Variants in BRCA1 observed in about 807,000 individuals in gnomAD.
The protein encoded by BRCA1 is BRCA1 DNA repair associated.
BRCA1 carries 140 observed loss-of-function variants against 173.7 expected under a neutral mutation model. That is an observed-to-expected ratio of 0.81 (90% CI 0.70 to 0.93). The LOEUF (loss-of-function observed/expected upper bound fraction) is 0.93. Ranked by LOEUF, BRCA1 falls within the 40% of genes least tolerant of loss-of-function variation. The probability of loss-of-function intolerance (pLI) is 0.00; values close to 1 mark genes in which losing one functional copy is unlikely to be tolerated. For missense variants in BRCA1, 1,983 were observed against 2,172.5 expected, an observed-to-expected ratio of 0.91 and a Z score of 1.73; for synonymous variants, 662 against 756.0, an observed-to-expected ratio of 0.88 and a Z score of 2.04.
rs1376262238 is a variant in BRCA1, at chr17:43,094,854, C to T, written c.677G>A (p.Cys226Tyr). Reference sequence around the variant, plus strand: ...TGTTACATCCGTCTCAGAAAATTCACAAGCAGCTGAAAATATACAAAAATA... The same window carrying T: ...TGTTACATCCGTCTCAGAAAATTCATAAGCAGCTGAAAATATACAAAAATA... The part of the protein sequence containing the change: ...ISLDSAKKAA[C>Y]EFSETDVTNT... Residue 226 changes from cysteine to tyrosine, a missense_variant, in exon 10 of 23, where the codon TGT becomes TAT. By Grantham distance (194) the Cys-to-Tyr change is radical. Coordinates refer to ENST00000357654, the MANE Select transcript of BRCA1 (RefSeq NM_007294.4). The T allele has an allele frequency of 2.5e-6, 4 of 1,610,434 alleles. No homozygotes were observed. Among genetic ancestry groups the T allele is most frequent in the Non-Finnish European group, 3.4e-6 (4 of 1,178,076 alleles).
intron 6 of BRCA1, among the ~76,000 whole-genome samples, chr17:43,100,679 A>T (rs10445319): frequency 0.48 from 3,968 of 8,348 alleles, 407 homozygotes; most frequent in Middle Eastern, 0.58. Flanking sequence ...TATATATATA[A>T]TATATATATA....
chr17:43,053,981 A>G (rs1449532023), intron 19 of BRCA1, among the ~76,000 whole-genome samples: 1 of 152,188 alleles, frequency 6.6e-6, no homozygotes, highest in Non-Finnish European at 1.5e-5. Flanking sequence ...AAAAAAAAAA[A>G]AAAGAAATTT....
intron 12 of BRCA1, among the ~76,000 whole-genome samples, chr17:43,081,972 T>C (rs1047960243): frequency 2.0e-5 from 3 of 152,224 alleles, no homozygotes; most frequent in Admixed American, 1.3e-4. Flanking sequence ...GTTCCTGAAG[T>C]ATAGGATGTC....
At position 43,145,157 on chromosome 17, in the gene BRCA1, A is replaced by C. The variant is rs925418939; in HGVS notation, c.-19-21042T>G. 7.4e-4 allele frequency: 524 copies of C among 707,814 alleles called. 1 individual carries two copies. Among genetic ancestry groups the C allele is most frequent in the Non-Finnish European group, 1.1e-3 (398 of 372,400 alleles). The allele number at this position is 707,814 out of a possible 1,614,324, so 43.8% of individuals were successfully genotyped here. On this transcript the variant is annotated intron_variant, in intron 1 of 7. Coordinates refer to the BRCA1 transcript ENST00000634433. ...GGAAAACAGGCCGAAGTGGCTAACC[A>C]AAAAACTAAAGAAGATTTACCTGCA...
At chr17:43,169,936 C>T (rs2056313419) in intron 1 of BRCA1, 1 of 459,272 alleles carries the variant, frequency 2.2e-6, no homozygotes, top group Non-Finnish European at 4.4e-6. Context: ...AGGACCTTTG[C>T]AAACAAGCCA....
At chr17:43,067,809 C>A (rs2153726452) in intron 15 of BRCA1, 114 bp from the exon 16 acceptor site, 1 of 712,712 alleles carries the variant, frequency 1.4e-6, no homozygotes, top group East Asian at 3.1e-5. Flanking sequence ...GCACGTTCTA[C>A]ACGTGTCCTG....
chr17:43,070,363 G>A (rs1040375376), intron 15 of BRCA1, among the ~76,000 whole-genome samples: 1 of 152,048 alleles, frequency 6.6e-6, no homozygotes, highest in Admixed American at 6.5e-5. Flanking sequence ...TATTTTAATG[G>A]GTATTTTTCC....
intron 1 of BRCA1, among the ~76,000 whole-genome samples, chr17:43,141,137 C>T (rs898926228): frequency 1.3e-5 from 2 of 152,166 alleles, no homozygotes; most frequent in African/African-American, 4.8e-5. Context: ...ACCCCTCCCC[C>T]TCCCAGGCTA....
intron 2 of BRCA1, 84 bp downstream of exon 2, chr17:43,123,933 C>T (rs2055706750): frequency 1.9e-6 from 2 of 1,078,754 alleles, no homozygotes; most frequent in Admixed American, 1.7e-5. Context: ...TCTTTTCTTC[C>T]CTAGTATGTA....
chr17:43,091,846 A>G lies in BRCA1; in HGVS notation c.3685T>C (p.Leu1229=), dbSNP rs767958299. 1.9e-6 allele frequency: 3 copies of G among 1,614,184 alleles called. No homozygotes were observed. Among genetic ancestry groups the G allele is most frequent in the South Asian group, 2.2e-5 (2 of 91,080 alleles). ...ATATTGTTTACTTTACCAAATAACA[A>G]GTGTTGGAAGCAGGGAAGCTCTTCA... ...EDEELPCFQH[L]LFGKVNNIPS... Residue 1229 remains leucine, a synonymous_variant, in exon 10 of 23, where the codon TTG becomes CTG. Coordinates refer to ENST00000357654, the MANE Select transcript of BRCA1 (RefSeq NM_007294.4).
At chr17:43,111,826 CAAAACAAACA>C (rs981610699) in intron 3 of BRCA1, among the ~76,000 whole-genome samples, 2 of 151,686 alleles carry the variant, frequency 1.3e-5, no homozygotes, top group African/African-American at 4.8e-5. Flanking sequence ...CGTCTCAAAA[CAAAACAAACA>C]AAAACAAACA....
intron 15 of BRCA1, among the ~76,000 whole-genome samples, chr17:43,068,901 C>A (rs2052267346): frequency 6.6e-6 from 1 of 152,104 alleles, no homozygotes; most frequent in Non-Finnish European, 1.5e-5. Context: ...ATCTATCAAC[C>A]AAATAAAAAT....
chr17:43,050,984 C>T lies in BRCA1; in HGVS notation c.5332+79G>A, dbSNP rs55865150. ...TTTCAGCAATCTGAGGAACCCCCAT[C>T]GTGGGATCTTGCTTATAATACTCCA... is the stretch of plus-strand genomic sequence containing the variant. On this transcript the variant is annotated intron_variant, in intron 20 of 22. Transcript: ENST00000357654. 26 of 1,390,476 alleles carry T rather than the reference C, an allele frequency of 1.9e-5. No homozygotes were observed. In the South Asian group the frequency reaches 2.2e-4, roughly 12 times the overall value. 86.1% of individuals were successfully genotyped at this position (1,390,476 alleles called of 1,614,324 possible).
intron 11 of BRCA1, among the ~76,000 whole-genome samples, chr17:43,087,602 C>T (rs1023394652): frequency 3.4e-5 from 5 of 146,228 alleles, no homozygotes; most frequent in African/African-American, 7.6e-5. Flanking sequence ...GCAGAGGATG[C>T]GGTGAGCCAA....
At position 43,066,690 on chromosome 17, in the gene BRCA1, C is replaced by G. The variant is rs8176238; in HGVS notation, c.5074+918G>C. On this transcript the variant is annotated intron_variant, in intron 16 of 22. Coordinates refer to ENST00000357654, the MANE Select transcript of BRCA1 (RefSeq NM_007294.4). ...TCCCAAAGTGCTGGGATTACTGATG[C>G]GAGCCACCGCGTCCAGCTGCCTCAC... Among the ~76,000 whole-genome samples the G allele has an allele frequency of 4.4e-3, 656 of 149,760 alleles. 6 individuals are homozygous for G. Among genetic ancestry groups the G allele is most frequent in the African/African-American group, 0.015 (602 of 40,780 alleles).
chr17:43,080,107 T>C (rs1361404451), intron 12 of BRCA1, among the ~76,000 whole-genome samples: 1 of 152,194 alleles, frequency 6.6e-6, no homozygotes, highest in African/African-American at 2.4e-5. Context: ...CAGAATATTA[T>C]TGTAGTTCCT....
At chr17:43,153,297 AAAG>A (rs1448017526) in intron 1 of BRCA1, among the ~76,000 whole-genome samples, 3 of 152,322 alleles carry the variant, frequency 2.0e-5, no homozygotes, top group South Asian at 2.1e-4. Flanking sequence ...CCCCTGAGAA[AAAG>A]AAGGAGCTGA....
In BRCA1 at chr17:43,047,641, A is replaced by G. The variant is rs80358009; in HGVS notation, c.5467+2T>C. 1 of 1,614,096 alleles carries G rather than the reference A, an allele frequency of 6.2e-7. No homozygotes were observed. Among genetic ancestry groups the G allele is most frequent in the Non-Finnish European group, 8.5e-7 (1 of 1,180,032 alleles). On this transcript the variant is annotated splice_donor_variant, in intron 22 of 22. Coordinates refer to ENST00000357654, the MANE Select transcript of BRCA1 (RefSeq NM_007294.4). LOFTEE classifies it high-confidence loss of function. ...TAGCACAGGTACATGCAGGCACCTT[A>G]CCATGGAAGCCATTGTCCTCTGTCC...
chr17:43,145,189 A>C (rs1302734189), intron 1 of BRCA1: 43 of 710,314 alleles, frequency 6.1e-5, no homozygotes, highest in Non-Finnish European at 2.7e-6. Flanking sequence ...TGCAGAAAAC[A>C]GGGGAAACGA....
Sources: allele counts gnomAD v4.1 joint callset (sites outside exome capture counted in the v4.1 genomes callset), GRCh38; gene constraint gnomAD v4.1.1; transcripts MANE v1.5; gene names NCBI Gene and HGNC (gene_info 2026-07-23, HGNC 2026-07-21).